The following ZC3H12B variants were observed in gnomAD, a reference collection of about 807,000 sequenced individuals.
The protein encoded by ZC3H12B is zinc finger CCCH-type containing 12B.
A neutral mutation model predicts 43.9 loss-of-function variants in ZC3H12B; 7 were observed. The observed-to-expected ratio is 0.16, with a 90% CI of 0.09 to 0.30. The LOEUF (loss-of-function observed/expected upper bound fraction) is 0.30, where lower values mean the gene tolerates loss of function less well. Ranked by LOEUF, ZC3H12B falls within the 10% of genes least tolerant of loss-of-function variation. ZC3H12B has a pLI of 1.00. For missense variants in ZC3H12B, 475 were observed against 670.2 expected, an observed-to-expected ratio of 0.71 and a Z score of 3.22; for synonymous variants, 222 against 241.7, an observed-to-expected ratio of 0.92 and a Z score of 0.76.
At chrX:65,450,459 A>G (rs866370103) in intron 3 of ZC3H12B, among the ~76,000 whole-genome samples, 1 of 5,191 alleles carries the variant, frequency 1.9e-4, no homozygotes, top group African/African-American at 1.1e-3. Context: ...ACATATATGT[A>G]TATATATGTG....
chrX:65,282,289 A>G, the ZC3H12B span, among the ~76,000 whole-genome samples: 1 of 110,963 alleles, frequency 9.0e-6, no homozygotes, highest in Non-Finnish European at 1.9e-5. Context: ...ATCTCTCAAA[A>G]AAAAGAAACC....
At chrX:65,482,598 C>T (rs925279609) in intron 3 of ZC3H12B, among the ~76,000 whole-genome samples, 8 of 112,122 alleles carry the variant, frequency 7.1e-5, no homozygotes, top group African/African-American at 2.6e-4. Flanking sequence ...AAGTATGTAA[C>T]CTACAGTTTT....
the ZC3H12B span, among the ~76,000 whole-genome samples, chrX:65,233,682 A>G: frequency 9.0e-6 from 1 of 111,344 alleles, no homozygotes; most frequent in Admixed American, 9.6e-5. Flanking sequence ...AGTGCATTTT[A>G]AAGAACTAGA....
At chrX:65,309,041 G>A in the ZC3H12B span, among the ~76,000 whole-genome samples, 1 of 110,978 alleles carries the variant, frequency 9.0e-6, no homozygotes, top group African/African-American at 3.3e-5. Flanking sequence ...AAGCAGGAAA[G>A]ATCTAAAATC....
chrX:65,252,372 A>C, the ZC3H12B span, among the ~76,000 whole-genome samples: 2 of 111,870 alleles, frequency 1.8e-5, no homozygotes, highest in Non-Finnish European at 3.8e-5. Flanking sequence ...ATCAATGTTC[A>C]TCAGGGATAT....
At chrX:65,262,836 G>A in the ZC3H12B span, among the ~76,000 whole-genome samples, 1 of 110,167 alleles carries the variant, frequency 9.1e-6, no homozygotes, top group African/African-American at 3.3e-5. Context: ...TTAAATATCT[G>A]CTGTTTGCTA....
At chrX:65,257,595 G>T in the ZC3H12B span, among the ~76,000 whole-genome samples, 1 of 109,978 alleles carries the variant, frequency 9.1e-6, no homozygotes, top group Admixed American at 9.7e-5. Context: ...AGAACTTAAA[G>T]TATAATAATA....
the ZC3H12B span, among the ~76,000 whole-genome samples, chrX:65,038,555 A>G: frequency 8.9e-6 from 1 of 111,781 alleles, no homozygotes; most frequent in Non-Finnish European, 1.9e-5. Context: ...GTCTTATGAC[A>G]GTATCAAAGG....
chrX:65,354,225 T>A, the ZC3H12B span, among the ~76,000 whole-genome samples: 7 of 111,703 alleles, frequency 6.3e-5, no homozygotes, highest in African/African-American at 2.3e-4. Context: ...AGCTGGCATC[T>A]GGCCGGTGCC....
At chrX:65,396,059 G>A (rs1173066605) in intron 2 of ZC3H12B, among the ~76,000 whole-genome samples, 2 of 110,879 alleles carry the variant, frequency 1.8e-5, no homozygotes, top group East Asian at 2.8e-4. Context: ...TTATTGGGTC[G>A]ATTTGATTCT....
chrX:65,257,693 G>A, the ZC3H12B span, among the ~76,000 whole-genome samples: 1 of 108,943 alleles, frequency 9.2e-6, no homozygotes, highest in African/African-American at 3.3e-5. Flanking sequence ...ATGACTAAGG[G>A]GATGTTACCC....
intron 3 of ZC3H12B, among the ~76,000 whole-genome samples, chrX:65,418,440 C>A (rs1156711600): frequency 9.0e-6 from 1 of 111,282 alleles, no homozygotes; most frequent in African/African-American, 3.3e-5. Flanking sequence ...GTAGGCCAGA[C>A]CTTAAGAGTG....
At chrX:65,221,349 G>A in the ZC3H12B span, among the ~76,000 whole-genome samples, 10 of 110,949 alleles carry the variant, frequency 9.0e-5, no homozygotes, top group Non-Finnish European at 1.1e-4. Context: ...GATTAGAGCC[G>A]AACTAAGTGA....
chrX:65,471,291 C>T (rs1290893502), intron 3 of ZC3H12B, among the ~76,000 whole-genome samples: 4 of 109,646 alleles, frequency 3.6e-5, no homozygotes, highest in Admixed American at 9.8e-5. Flanking sequence ...ACTGTTGTTG[C>T]TTTAAAGTCT....
the ZC3H12B span, among the ~76,000 whole-genome samples, chrX:65,078,677 A>G: frequency 4.5e-5 from 5 of 111,657 alleles, no homozygotes; most frequent in African/African-American, 9.8e-5. Context: ...GAGTGACAAT[A>G]CATGGTATGG....
chrX:65,163,813 A>T, the ZC3H12B span, among the ~76,000 whole-genome samples: 4 of 111,772 alleles, frequency 3.6e-5, no homozygotes, highest in African/African-American at 1.3e-4. Context: ...CCCTAGTGAG[A>T]TGAACCCGGT....
intron 2 of ZC3H12B, among the ~76,000 whole-genome samples, chrX:65,375,766 ATT>A (rs759785819): frequency 1.7e-4 from 19 of 111,496 alleles, no homozygotes; most frequent in African/African-American, 5.9e-4. Flanking sequence ...CTAAAGATAT[ATT>A]GGCCCCTGAA....
At chrX:65,188,455 C>A in the ZC3H12B span, among the ~76,000 whole-genome samples, 41 of 105,327 alleles carry the variant, frequency 3.9e-4, no homozygotes, top group African/African-American at 1.3e-3. Context: ...GTTTCCCTTT[C>A]CTCCATATTG....
rs749407495 is a variant in ZC3H12B at position 65,394,839 on chromosome X, G to A, written n.296-3754G>A. ...ATTGATTCTTCCTATCCATAAGCAT[G>A]GAATGTTTTTCCATTTGTTTGTGTC... On this transcript the variant is annotated intron_variant and non_coding_transcript_variant, in intron 2 of 5. Coordinates refer to the ZC3H12B transcript ENST00000617377. Among the ~76,000 whole-genome samples, 3 of 112,099 alleles carry A rather than the reference G, an allele frequency of 2.7e-5. No individual in the cohort carries two copies. In the South Asian group the frequency reaches 1.1e-3, roughly 42 times the overall value.
Sources: allele counts gnomAD v4.1 joint callset (sites outside exome capture counted in the v4.1 genomes callset), GRCh38; gene constraint gnomAD v4.1.1; transcripts MANE v1.5; gene names NCBI Gene and HGNC (gene_info 2026-07-23, HGNC 2026-07-21).